LRFN5: variants seen among roughly 807,000 people sequenced by gnomAD.
LRFN5 encodes leucine rich repeat and fibronectin type III domain containing 5.
Under a neutral mutation model 45.6 loss-of-function variants are expected in LRFN5, and 24 were observed. The ratio of observed to expected loss-of-function variants is 0.53; its 90% CI spans 0.38 to 0.74. LRFN5 has a LOEUF of 0.74. LRFN5 is among the 30% of genes least tolerant of loss of function. The pLI, the probability that LRFN5 is intolerant of heterozygous loss-of-function variation, is 0.00. For synonymous variants in LRFN5, 340 were observed against 313.8 expected (o/e 1.08, Z -0.88); for missense variants, 776 against 861.5 (o/e 0.90, Z 1.24).
chr14:41,781,558 GAGAAAGAAAGAAAGAAAGAA>G (rs55859357), intron 2 of LRFN5, among the ~76,000 whole-genome samples: 2,877 of 106,934 alleles, frequency 0.027, 64 homozygotes, highest in African/African-American at 0.063. Context: ...AGAAAAGAAA[GAGAAAGAAAGAAAGAAAGAA>G]AGAAAGAAAG....
At position 41,628,650 on chromosome 14, in the gene LRFN5, A is replaced by ACTC. The variant is rs1435265864; in HGVS notation, c.-197+20088_-197+20089insCTC. ...AAAAGCTTAGCAGTAAACAAGAGAG[A>ACTC]GGTGATTGTTGTCTTGGTTGAATGT... is the stretch of plus-strand genomic sequence containing the variant. On this transcript the variant is annotated intron_variant, in intron 1 of 5. Transcript: ENST00000298119. 3.9e-5 allele frequency among the ~76,000 whole-genome samples: 6 copies of ACTC among 152,262 alleles called. No homozygotes were observed. In the East Asian group the frequency reaches 1.2e-3, roughly 29 times the overall value.
At chr14:41,863,470 T>A (rs1258456808) in intron 2 of LRFN5, among the ~76,000 whole-genome samples, 1 of 152,222 alleles carries the variant, frequency 6.6e-6, no homozygotes, top group Non-Finnish European at 1.5e-5. Flanking sequence ...ATAGAGATTT[T>A]AATCATCATT....
intron 1 of LRFN5, among the ~76,000 whole-genome samples, chr14:41,678,643 A>T (rs903677514): frequency 7.2e-5 from 11 of 152,188 alleles, no homozygotes; most frequent in African/African-American, 2.7e-4. Context: ...TCTTAGGTGG[A>T]TAAACTAGTC....
intron 2 of LRFN5, among the ~76,000 whole-genome samples, chr14:41,866,107 A>T (rs1889830713): frequency 6.6e-6 from 1 of 152,166 alleles, no homozygotes; most frequent in Admixed American, 6.6e-5. Flanking sequence ...TGACACATCT[A>T]AAAAACTACT....
intron 1 of LRFN5, among the ~76,000 whole-genome samples, chr14:41,728,267 G>A (rs1884018676): frequency 6.6e-6 from 1 of 152,054 alleles, no homozygotes; most frequent in South Asian, 2.1e-4. Context: ...AATAAGGTAG[G>A]CTGTAACTAT....
intron 1 of LRFN5, among the ~76,000 whole-genome samples, chr14:41,650,883 GAA>G (rs1180894784): frequency 3.4e-5 from 3 of 87,642 alleles, no homozygotes; most frequent in Non-Finnish European, 6.2e-5. Context: ...AAGAGACAGA[GAA>G]AGAGAGAGAG....
rs183383430 is a variant in LRFN5, at chr14:41,608,028, C to T, written c.-731C>T. The T allele has an allele frequency of 6.6e-6, 1 of 152,396 alleles. No homozygotes were observed. Among genetic ancestry groups the T allele is most frequent in the African/African-American group, 2.4e-5 (1 of 41,578 alleles). The allele number at this position is 152,396 out of a possible 1,614,324, so 9.4% of individuals were successfully genotyped here. ...CTCCCTCCTCCCCACCAAAATGTCA[C>T]CAGCTCTTGAATTACGTGGATTCGG... On this transcript the variant is annotated 5_prime_UTR_variant, in exon 1 of 6. Coordinates refer to ENST00000298119, the MANE Select transcript of LRFN5 (RefSeq NM_152447.5).
intron 1 of LRFN5, among the ~76,000 whole-genome samples, chr14:41,713,281 T>C (rs940055549): frequency 6.6e-6 from 1 of 152,026 alleles, no homozygotes; most frequent in African/African-American, 2.4e-5. Flanking sequence ...GTCTTCATAA[T>C]GTAAGGGAAA....
At chr14:41,628,196 C>A (rs1293560608) in intron 1 of LRFN5, among the ~76,000 whole-genome samples, 1 of 152,084 alleles carries the variant, frequency 6.6e-6, no homozygotes, top group Non-Finnish European at 1.5e-5. Context: ...TTCTTTTACC[C>A]CTCATTTATT....
At chr14:41,747,132 A>G (rs1342537442) in intron 1 of LRFN5, among the ~76,000 whole-genome samples, 1 of 152,016 alleles carries the variant, frequency 6.6e-6, no homozygotes, top group East Asian at 1.9e-4. Flanking sequence ...ACCCAAAAGG[A>G]TCTACAAATT....
intron 2 of LRFN5, among the ~76,000 whole-genome samples, chr14:41,844,297 C>G (rs1381831484): frequency 6.6e-6 from 1 of 151,738 alleles, no homozygotes; most frequent in East Asian, 1.9e-4. Context: ...ATTAGCCAGG[C>G]GTGGTGGTGG....
chr14:41,762,897 A>G (rs2138873065), intron 1 of LRFN5, among the ~76,000 whole-genome samples: 1 of 152,314 alleles, frequency 6.6e-6, no homozygotes, highest in Non-Finnish European at 1.5e-5. Context: ...CAAAGTAAAT[A>G]TAGCTAAAAA....
chr14:41,811,096 T>A (rs1008355761), intron 2 of LRFN5, among the ~76,000 whole-genome samples: 1 of 152,066 alleles, frequency 6.6e-6, no homozygotes, highest in South Asian at 2.1e-4. Context: ...TTCTCAATTT[T>A]AAAAGGTGCA....
intron 2 of LRFN5, among the ~76,000 whole-genome samples, chr14:41,875,343 A>G (rs753822731): frequency 6.8e-4 from 103 of 152,370 alleles, no homozygotes; most frequent in Non-Finnish European, 1.1e-3. Context: ...ACTGTAGGGA[A>G]TCTTCACAGC....
chr14:41,712,400 G>A (rs2138749591), intron 1 of LRFN5, among the ~76,000 whole-genome samples: 1 of 152,122 alleles, frequency 6.6e-6, no homozygotes, highest in East Asian at 1.9e-4. Context: ...CTATGACATA[G>A]ACATCTCTAT....
intron 1 of LRFN5, among the ~76,000 whole-genome samples, chr14:41,684,080 G>A (rs1014769129): frequency 6.6e-6 from 1 of 152,128 alleles, no homozygotes; most frequent in Admixed American, 6.5e-5. Flanking sequence ...ACACAACATA[G>A]TGCAGAGACA....
intron 1 of LRFN5, among the ~76,000 whole-genome samples, chr14:41,715,752 A>G (rs1483715342): frequency 1.3e-5 from 2 of 152,150 alleles, no homozygotes; most frequent in African/African-American, 4.8e-5. Flanking sequence ...TGCATTGTGC[A>G]AGCTGTCGTT....
intron 1 of LRFN5, among the ~76,000 whole-genome samples, chr14:41,759,937 T>C (rs892052349): frequency 7.9e-5 from 12 of 152,334 alleles, no homozygotes; most frequent in African/African-American, 2.9e-4. Context: ...TAAATTTTCA[T>C]GCAGTCGTGG....
At chr14:41,714,117 C>T (rs1291104169) in intron 1 of LRFN5, among the ~76,000 whole-genome samples, 1 of 151,852 alleles carries the variant, frequency 6.6e-6, no homozygotes, top group East Asian at 1.9e-4. Flanking sequence ...GGCAATCATA[C>T]CTCAATAAAT....
Sources: gnomAD v4.1 joint callset for allele counts (sites outside exome capture counted in the v4.1 genomes callset) on GRCh38, gnomAD v4.1.1 for gene constraint, MANE v1.5 for transcripts, NCBI Gene and HGNC (gene_info 2026-07-23, HGNC 2026-07-21) for gene names.